HIPK1: variants seen among roughly 807,000 people sequenced by gnomAD.
The protein encoded by HIPK1 is homeodomain interacting protein kinase 1.
A neutral mutation model predicts 117.1 loss-of-function variants in HIPK1; 28 were observed. The ratio of observed to expected loss-of-function variants is 0.24; its 90% CI spans 0.18 to 0.33. The LOEUF is 0.33. Ranked by LOEUF, HIPK1 falls within the 10% of genes least tolerant of loss-of-function variation. HIPK1 has a pLI of 1.00. For missense variants in HIPK1, 1,122 were observed against 1,475.1 expected, an observed-to-expected ratio of 0.76 and a Z score of 3.92; for synonymous variants, 605 against 562.5, an observed-to-expected ratio of 1.08 and a Z score of -1.07.
chr1:113,942,051 G>T lies in HIPK1; in HGVS notation c.1076+592G>T, dbSNP rs190116039. On this transcript the variant is annotated intron_variant, in intron 2 of 15. Transcript: ENST00000426820. ...GCTGGGATTACAGGCGTGAGCCACC[G>T]TGCCCAGCCTATTTATTTATTTTTT... Among the ~76,000 whole-genome samples the T allele has an allele frequency of 4.6e-3, 675 of 147,702 alleles. 3 individuals carry two copies. The highest frequency in any genetic ancestry group is 0.012 in the Middle Eastern group (3 of 254).
rs140342055 is a variant in HIPK1 at position 113,940,922 on chromosome 1, A to G, written c.539A>G (p.His180Arg). The change falls in exon 2 of 16, where the codon CAT (histidine) becomes CGT (arginine). Residue 180 changes from histidine (H) to arginine (R), a missense_variant. By Grantham distance (29) the His-to-Arg change is conservative (BLOSUM62 0). Transcript: ENST00000426820. ...SGEGDYQLVQ[H>R]EILCSMTNSY... Reference sequence around the variant, plus strand: ...GAAGGGGATTACCAGCTGGTCCAGCATGAGATCCTTTGCTCTATGACCAAT... The same window carrying G: ...GAAGGGGATTACCAGCTGGTCCAGCGTGAGATCCTTTGCTCTATGACCAAT... The G allele has an allele frequency of 2.2e-5, 35 of 1,614,060 alleles. No individual in the cohort carries two copies. Among genetic ancestry groups the G allele is most frequent in the Non-Finnish European group, 2.8e-5 (33 of 1,180,034 alleles).
intron 10 of HIPK1, 40 bp from the exon 11 acceptor site, chr1:113,966,090 G>C (rs774653990): frequency 3.8e-6 from 6 of 1,574,074 alleles, no homozygotes; most frequent in Non-Finnish European, 5.2e-6. Context: ...AGCCAAGAAT[G>C]AATCAAGTCT....
intron 9 of HIPK1, among the ~76,000 whole-genome samples, chr1:113,962,914 G>A (rs182746785): frequency 1.7e-4 from 26 of 152,168 alleles, no homozygotes; most frequent in Admixed American, 1.5e-3. Flanking sequence ...CCTTCATTCC[G>A]TGTGTTTAAC....
intron 8 of HIPK1, among the ~76,000 whole-genome samples, chr1:113,959,095 TA>T (rs1273567641): frequency 2.0e-5 from 3 of 152,174 alleles, no homozygotes; most frequent in Admixed American, 1.3e-4. Flanking sequence ...GGCTAAAATC[TA>T]ATGACACATT....
intron 2 of HIPK1, among the ~76,000 whole-genome samples, chr1:113,945,753 C>T (rs1307864849): frequency 6.6e-6 from 1 of 152,026 alleles, no homozygotes; most frequent in Non-Finnish European, 1.5e-5. Flanking sequence ...ATTATTGTAG[C>T]TTTGTAGTAA....
intron 2 of HIPK1, among the ~76,000 whole-genome samples, chr1:113,943,421 A>G (rs1289130600): frequency 2.0e-5 from 3 of 152,168 alleles, no homozygotes; most frequent in African/African-American, 7.2e-5. Flanking sequence ...ACTTAGTGTA[A>G]TGCTTTTGAG....
At chr1:113,967,544 A>G (rs896632736) in intron 11 of HIPK1, among the ~76,000 whole-genome samples, 6 of 152,018 alleles carry the variant, frequency 3.9e-5, no homozygotes, top group African/African-American at 1.5e-4. Context: ...ATGTCTATTC[A>G]ATTCTTTTGC....
intron 2 of HIPK1, among the ~76,000 whole-genome samples, chr1:113,949,240 G>A (rs1471095589): frequency 6.6e-6 from 1 of 152,168 alleles, no homozygotes; most frequent in African/African-American, 2.4e-5. Context: ...GGTAGGAATA[G>A]CAAAATCAAT....
rs538096702 is a variant in HIPK1 at position 113,971,773 on chromosome 1, G to A, written c.3014-51G>A. Reference sequence around the variant, plus strand: ...GACTAATTAATATGATGCCATCTGAGGTTAGCTCAGTGATGTCTACTCATA... The same window carrying A: ...GACTAATTAATATGATGCCATCTGAAGTTAGCTCAGTGATGTCTACTCATA... On this transcript the variant is annotated intron_variant, in intron 14 of 15. Coordinates refer to ENST00000426820, the MANE Select transcript of HIPK1 (RefSeq NM_198268.3). 5.6e-5 allele frequency: 87 copies of A among 1,560,748 alleles called. 1 individual carries two copies. In the South Asian group the frequency reaches 7.7e-4, roughly 14 times the overall value.
At chr1:113,936,528 G>A (rs749028787) in intron 1 of HIPK1, among the ~76,000 whole-genome samples, 18 of 151,828 alleles carry the variant, frequency 1.2e-4, no homozygotes, top group Non-Finnish European at 2.2e-4. Flanking sequence ...GCAATGGCAT[G>A]ATCTCAGCTC....
chr1:113,953,378 TGTA>T (rs1315390685), intron 3 of HIPK1, among the ~76,000 whole-genome samples: 1 of 152,244 alleles, frequency 6.6e-6, no homozygotes. Context: ...TCATCTGAGT[TGTA>T]GTAATATATG....
At chr1:113,954,571 T>C in intron 3 of HIPK1, 80 bp from the exon 4 acceptor site, 3 of 1,462,080 alleles carry the variant, frequency 2.1e-6, no homozygotes, top group Middle Eastern at 1.8e-4. Flanking sequence ...TTGCCTAAAG[T>C]TAATGATGTT....
At chr1:113,942,716 A>C (rs1670732303) in intron 2 of HIPK1, among the ~76,000 whole-genome samples, 1 of 152,196 alleles carries the variant, frequency 6.6e-6, no homozygotes, top group Admixed American at 6.5e-5. Flanking sequence ...TTGGGACAGT[A>C]TGTAAATGCT....
In HIPK1 at chr1:113,967,836, A is replaced by G; in HGVS notation, c.2452A>G (p.Thr818Ala). 1.9e-6 allele frequency: 3 copies of G among 1,612,640 alleles called. No homozygotes were observed. The highest frequency in any genetic ancestry group is 2.5e-6 in the Non-Finnish European group (3 of 1,179,676). Residue 818 changes from threonine (T) to alanine (A), a missense_variant, in exon 12 of 16, where the codon ACA becomes GCA. Physicochemically the swap from Thr to Ala is moderately conservative, Grantham distance 58 (BLOSUM62 0). Transcript: ENST00000426820. ...GCCATCCTTGCTGACTAACCATGTG[A>G]CATTGGCCACTGCTCAGCCTCTGAA... ...QQPSLLTNHV[T>A]LATAQPLNVG... is the part of the protein sequence containing the mutation.
chr1:113,936,706 G>A (rs1670272534), intron 1 of HIPK1, among the ~76,000 whole-genome samples: 3 of 152,164 alleles, frequency 2.0e-5, no homozygotes, highest in Non-Finnish European at 2.9e-5. Context: ...CTCATGATCT[G>A]CCTGCCTTGG....
rs555180938 is a variant in HIPK1 at position 113,963,541 on chromosome 1, T to A, written c.2238+20T>A. Reference sequence around the variant, plus strand: ...GTACTGGTAATTCCCCTCACTTGATTGTGTTACTAACGGAGTTTCTTTGGT... The same window carrying A: ...GTACTGGTAATTCCCCTCACTTGATAGTGTTACTAACGGAGTTTCTTTGGT... On this transcript the variant is annotated intron_variant, in intron 10 of 15. Coordinates refer to ENST00000426820, the MANE Select transcript of HIPK1 (RefSeq NM_198268.3). 13 of 1,593,950 alleles carry A rather than the reference T, an allele frequency of 8.2e-6. No individual in the cohort carries two copies. The African/African-American group carries it at 1.4e-4, about 17-fold the overall frequency.
chr1:113,944,893 G>T (rs1392423787), intron 2 of HIPK1, among the ~76,000 whole-genome samples: 1 of 152,084 alleles, frequency 6.6e-6, no homozygotes, highest in Non-Finnish European at 1.5e-5. Context: ...TGTCACCCAG[G>T]CTGGGGTGCA....
At chr1:113,959,798 A>G (rs1671975935) in intron 8 of HIPK1, among the ~76,000 whole-genome samples, 1 of 152,330 alleles carries the variant, frequency 6.6e-6, no homozygotes, top group East Asian at 1.9e-4. Flanking sequence ...GAGTTTTAAA[A>G]TTAAGGTGAT....
At chr1:113,933,826 G>A (rs571837222) in intron 1 of HIPK1, among the ~76,000 whole-genome samples, 4 of 152,292 alleles carry the variant, frequency 2.6e-5, no homozygotes, top group South Asian at 2.1e-4. Flanking sequence ...AACCATGATC[G>A]TGTACTGCAC....
Sources: gnomAD v4.1 joint callset for allele counts (sites outside exome capture counted in the v4.1 genomes callset) on GRCh38, gnomAD v4.1.1 for gene constraint, MANE v1.5 for transcripts, NCBI Gene and HGNC (gene_info 2026-07-23, HGNC 2026-07-21) for gene names.